CORIN: variants seen among roughly 807,000 people sequenced by gnomAD.
The protein encoded by CORIN is atrial natriuretic peptide-converting enzyme.
Under a neutral mutation model 125.3 loss-of-function variants are expected in CORIN, and 117 were observed. The observed-to-expected ratio is 0.93, with a 90% CI of 0.80 to 1.09. The LOEUF is 1.09. Among genes scored for constraint, CORIN ranks in the 50% least tolerant of loss-of-function variants. The pLI, the probability that CORIN is intolerant of heterozygous loss-of-function variation, is 0.00. For missense variants in CORIN, 1,253 were observed against 1,306.7 expected, an observed-to-expected ratio of 0.96 and a Z score of 0.63; for synonymous variants, 450 against 466.4, an observed-to-expected ratio of 0.96 and a Z score of 0.45.
intron 3 of CORIN, among the ~76,000 whole-genome samples, chr4:47,765,135 C>T (rs910372600): frequency 5.3e-5 from 8 of 152,152 alleles, no homozygotes; most frequent in Non-Finnish European, 1.0e-4. Context: ...CACGGTGAAA[C>T]CCCATCTCTA....
At chr4:47,727,135 T>A (rs1727627134) in intron 5 of CORIN, among the ~76,000 whole-genome samples, 3 of 152,020 alleles carry the variant, frequency 2.0e-5, no homozygotes, top group Non-Finnish European at 4.4e-5. Flanking sequence ...GAGAATCTAA[T>A]CAAGTTGTCA....
At chr4:47,634,173 G>A (rs1477027429) in intron 16 of CORIN, among the ~76,000 whole-genome samples, 3 of 152,168 alleles carry the variant, frequency 2.0e-5, no homozygotes, top group Admixed American at 6.6e-5. Context: ...TCTTCAGCTC[G>A]TCTCCACTTC....
Position 47,721,127 on chromosome 4 carries a change from G to T in CORIN, c.799+23275C>A, listed in dbSNP as rs1387554359. On this transcript the variant is annotated intron_variant, in intron 5 of 21. Coordinates refer to ENST00000273857, the MANE Select transcript of CORIN (RefSeq NM_006587.4). Reference sequence around the variant, plus strand: ...ATTCTTAGTGAGGGCCCTCTTCCCGGTTTAGTCCTCACGTGGCCTCTCTTG... The same window carrying T: ...ATTCTTAGTGAGGGCCCTCTTCCCGTTTTAGTCCTCACGTGGCCTCTCTTG... Among the ~76,000 whole-genome samples, 3 of 152,072 alleles carry T rather than the reference G, an allele frequency of 2.0e-5. No homozygotes were observed. In the South Asian group the frequency reaches 6.2e-4, roughly 32 times the overall value.
At chr4:47,597,562 G>A (rs907897452) in intron 21 of CORIN, among the ~76,000 whole-genome samples, 1 of 151,982 alleles carries the variant, frequency 6.6e-6, no homozygotes, top group Admixed American at 6.6e-5. Flanking sequence ...ATAATGCTTA[G>A]ACGAAAAAGA....
chr4:47,754,217 TA>T (rs1246824085), intron 4 of CORIN, among the ~76,000 whole-genome samples: 1 of 152,204 alleles, frequency 6.6e-6, no homozygotes, highest in Non-Finnish European at 1.5e-5. Flanking sequence ...TTTTGGCTCA[TA>T]AAATGAAACC....
chr4:47,833,463 G>A (rs1577963199), intron 1 of CORIN, among the ~76,000 whole-genome samples: 2 of 133,108 alleles, frequency 1.5e-5, no homozygotes. Context: ...AAACATAAAG[G>A]AAAATCTTGA....
At chr4:47,672,427 T>C (rs1355257713) in intron 10 of CORIN, among the ~76,000 whole-genome samples, 1 of 152,208 alleles carries the variant, frequency 6.6e-6, no homozygotes, top group Admixed American at 6.5e-5. Context: ...TTCTACATTT[T>C]TGAGTCTAAT....
chr4:47,749,437 C>A (rs1242743005), intron 4 of CORIN, among the ~76,000 whole-genome samples: 1 of 152,170 alleles, frequency 6.6e-6, no homozygotes, highest in Non-Finnish European at 1.5e-5. Flanking sequence ...GACCCTCCAA[C>A]CAAAGCCTTT....
At chr4:47,639,718 T>A (rs558213548) in intron 16 of CORIN, among the ~76,000 whole-genome samples, 1 of 152,124 alleles carries the variant, frequency 6.6e-6, no homozygotes, top group Admixed American at 6.6e-5. Context: ...CAGGGTGACT[T>A]AGAGTTTATT....
At chr4:47,657,630 C>T (rs909337815) in intron 12 of CORIN, among the ~76,000 whole-genome samples, 1 of 151,652 alleles carries the variant, frequency 6.6e-6, no homozygotes, top group Non-Finnish European at 1.5e-5. Context: ...TTAAAGGAGG[C>T]CTAGAGTCTG....
At chr4:47,648,642 G>A (rs1406113412) in intron 13 of CORIN, among the ~76,000 whole-genome samples, 1 of 152,166 alleles carries the variant, frequency 6.6e-6, no homozygotes, top group Non-Finnish European at 1.5e-5. Context: ...GATGCTTTTT[G>A]TTCTGTAAGA....
intron 16 of CORIN, among the ~76,000 whole-genome samples, chr4:47,632,766 G>GATAGAGAT (rs746921612): frequency 1.6e-5 from 1 of 63,408 alleles, no homozygotes; most frequent in Non-Finnish European, 3.3e-5. Context: ...TAGATAGATA[G>GATAGAGAT]AGATAGATAG....
intron 5 of CORIN, among the ~76,000 whole-genome samples, chr4:47,695,050 T>C (rs1401989633): frequency 1.3e-5 from 2 of 152,210 alleles, no homozygotes; most frequent in African/African-American, 2.4e-5. Flanking sequence ...ATTACATCTA[T>C]GGATTTCAAC....
chr4:47,629,442 C>T (rs932154833), intron 16 of CORIN, among the ~76,000 whole-genome samples: 1 of 152,032 alleles, frequency 6.6e-6, no homozygotes, highest in African/African-American at 2.4e-5. Context: ...TGGATACTAA[C>T]CTCATTGGAT....
At chr4:47,684,792 A>G (rs1725439370) in intron 6 of CORIN, among the ~76,000 whole-genome samples, 1 of 152,212 alleles carries the variant, frequency 6.6e-6, no homozygotes, top group South Asian at 2.1e-4. Context: ...AATCAGACGA[A>G]AAAGAATTCA....
At chr4:47,737,356 C>T (rs2109825993) in intron 5 of CORIN, among the ~76,000 whole-genome samples, 1 of 152,306 alleles carries the variant, frequency 6.6e-6, no homozygotes, top group East Asian at 1.9e-4. Flanking sequence ...GAATCTATTG[C>T]TACATTTGCT....
At chr4:47,654,789 T>G (rs1246728846) in intron 12 of CORIN, among the ~76,000 whole-genome samples, 4 of 152,024 alleles carry the variant, frequency 2.6e-5, no homozygotes, top group Admixed American at 2.6e-4. Context: ...GTGCTGGGCT[T>G]GGAGACAGTG....
In CORIN at chr4:47,704,228, A is replaced by C. The variant is rs558031153; in HGVS notation, c.800-11145T>G. On this transcript the variant is annotated intron_variant, in intron 5 of 21. Coordinates refer to ENST00000273857, the MANE Select transcript of CORIN (RefSeq NM_006587.4). ...CAGACTAAACCTAACAGGGGAAAAA[A>C]AAATTAACCTTGCGTAAAACTAAAT... Among the ~76,000 whole-genome samples, 125 of 152,304 alleles carry C rather than the reference A, an allele frequency of 8.2e-4. 2 individuals are homozygous for C. In the South Asian group the frequency reaches 0.017, roughly 21 times the overall value.
intron 19 of CORIN, among the ~76,000 whole-genome samples, 184 bp from the exon 20 acceptor site, chr4:47,603,852 G>A (rs1338058444): frequency 6.6e-6 from 1 of 152,136 alleles, no homozygotes; most frequent in Non-Finnish European, 1.5e-5. Flanking sequence ...TATTATTGTT[G>A]CAGAAAGCAT....
Sources: allele counts gnomAD v4.1 joint callset (sites outside exome capture counted in the v4.1 genomes callset), GRCh38; gene constraint gnomAD v4.1.1; transcripts MANE v1.5; gene names NCBI Gene and HGNC (gene_info 2026-07-23, HGNC 2026-07-21).